ARHGEF10L: variants seen among roughly 807,000 people sequenced by gnomAD.
The protein encoded by ARHGEF10L is rho guanine nucleotide exchange factor 10-like protein.
A neutral mutation model predicts 141.2 loss-of-function variants in ARHGEF10L; 69 were observed. The ratio of observed to expected loss-of-function variants is 0.49; its 90% confidence interval spans 0.40 to 0.60. The LOEUF (loss-of-function observed/expected upper bound fraction) is 0.60. Ranked by LOEUF, ARHGEF10L falls within the 20% of genes least tolerant of loss-of-function variation. The pLI, the probability that ARHGEF10L is intolerant of heterozygous loss-of-function variation, is 0.00. For missense variants in ARHGEF10L, 1,482 were observed against 1,734.3 expected (o/e 0.85, Z 2.58); for synonymous variants, 711 against 718.5 (o/e 0.99, Z 0.17).
chr1:17,561,490 G>A (rs1019904638), intron 1 of ARHGEF10L, among the ~76,000 whole-genome samples: 3 of 152,208 alleles, frequency 2.0e-5, no homozygotes, highest in African/African-American at 4.8e-5. Flanking sequence ...AGTTCTGAGT[G>A]CCTTCCTCTC....
chr1:17,697,610 C>A lies in ARHGEF10L; in HGVS notation c.*230C>A. 1.5e-6 allele frequency: 1 copy of A among 677,394 alleles called. No individual in the cohort carries two copies. Among genetic ancestry groups the A allele is most frequent in the Admixed American group, 2.1e-5 (1 of 47,204 alleles). 42.0% of individuals were successfully genotyped at this position (677,394 alleles called of 1,614,324 possible). The stretch of plus-strand genomic sequence containing the variant: ...GGACACATCTGGAGGAAATGGCCTT[C>A]TTTTTAAAAGCAAAAAACACAAAAC... On this transcript the variant is annotated 3_prime_UTR_variant, in exon 29 of 29. Transcript: ENST00000361221. This position sits in a 1 kb window ranked among gnomAD's most constrained non-coding sequence, Gnocchi z 4.8.
chr1:17,613,410 G>C (rs764635492), intron 8 of ARHGEF10L, among the ~76,000 whole-genome samples: 1 of 152,158 alleles, frequency 6.6e-6, no homozygotes, highest in Non-Finnish European at 1.5e-5. Context: ...CCACCTGCAA[G>C]TGAAACCCTG....
chr1:17,533,555 G>C, the ARHGEF10L span, among the ~76,000 whole-genome samples: 1 of 152,186 alleles, frequency 6.6e-6, no homozygotes, highest in African/African-American at 2.4e-5. Flanking sequence ...TAAAGGAGCA[G>C]CTCAGGGAAG....
Position 17,687,500 on chromosome 1 carries a change from A to G in ARHGEF10L, c.3010-73A>G. 1.2e-5 allele frequency: 19 copies of G among 1,541,180 alleles called. No individual in the cohort carries two copies. The South Asian group carries it at 1.6e-4, about 13-fold the overall frequency. Reference sequence around the variant, plus strand: ...TGAAGAATGTGAGAATGGCTGGCCCAGGGGTGGGGGCTTGTAGGGAGGCTC... The same window carrying G: ...TGAAGAATGTGAGAATGGCTGGCCCGGGGGTGGGGGCTTGTAGGGAGGCTC... On this transcript the variant is annotated intron_variant, in intron 26 of 28. Transcript: ENST00000361221.
At position 17,639,590 on chromosome 1, in the gene ARHGEF10L, C is replaced by T. The variant is rs2061216211; in HGVS notation, c.2172-612C>T. ...CTCTCTGCCTCTCATTCTCCACGTGCACCCTAGAGGCTTGTGACACTGCCC... is the reference window on the plus strand; with the variant it reads ...CTCTCTGCCTCTCATTCTCCACGTGTACCCTAGAGGCTTGTGACACTGCCC... On this transcript the variant is annotated intron_variant, in intron 20 of 28. Transcript: ENST00000361221. The surrounding 1 kb of genome is among the most constrained non-coding windows in gnomAD (Gnocchi z 4.3). Among the ~76,000 whole-genome samples the T allele has an allele frequency of 6.6e-6, 1 of 152,194 alleles. No individual in the cohort carries two copies. Among genetic ancestry groups the T allele is most frequent in the Non-Finnish European group, 1.5e-5 (1 of 68,038 alleles).
rs531973103 is a variant in ARHGEF10L, at chr1:17,640,075, G to A, written c.2172-127G>A. Reference sequence around the variant, plus strand: ...CACTGACCTCTTTGGCCACGTTTTGGGGATGCTCTGACCAGACCTCCTTGA... The same window carrying A: ...CACTGACCTCTTTGGCCACGTTTTGAGGATGCTCTGACCAGACCTCCTTGA... On this transcript the variant is annotated intron_variant, in intron 20 of 28. Coordinates refer to ENST00000361221, the MANE Select transcript of ARHGEF10L (RefSeq NM_018125.4). 3.4e-6 allele frequency: 5 copies of A among 1,483,056 alleles called. No individual in the cohort carries two copies. The South Asian group carries it at 6.9e-5, about 20-fold the overall frequency. 91.9% of individuals were successfully genotyped at this position (1,483,056 alleles called of 1,614,324 possible).
intron 4 of ARHGEF10L, among the ~76,000 whole-genome samples, chr1:17,593,423 G>A (rs1249820556): frequency 6.6e-6 from 1 of 152,186 alleles, no homozygotes; most frequent in African/African-American, 2.4e-5. Context: ...ATTAAGTGAG[G>A]GGTTTTGAGA....
rs1272305710 is a variant in ARHGEF10L at position 17,673,238 on chromosome 1, G to A, written c.3009+8643G>A. Among the ~76,000 whole-genome samples, 4 of 152,070 alleles carry A rather than the reference G, an allele frequency of 2.6e-5. No homozygotes were observed. The highest frequency in any genetic ancestry group is 6.5e-5 in the Admixed American group (1 of 15,282). On this transcript the variant is annotated intron_variant, in intron 26 of 28. Transcript: ENST00000361221. This position sits in a 1 kb window ranked among gnomAD's most constrained non-coding sequence, Gnocchi z 4.1. ...GGCAGGGGCAGTCCTGTCCTTGTGA[G>A]CCACCCCCCAGTCTTAGCTGGTAGC... is the stretch of plus-strand genomic sequence containing the variant.
At chr1:17,687,807 AGTG>A (rs2064741260) in intron 27 of ARHGEF10L, 60 bp downstream of exon 27, 1 of 1,505,958 alleles carries the variant, frequency 6.6e-7, no homozygotes, top group Admixed American at 2.1e-5. Flanking sequence ...ACGGCCAGGT[AGTG>A]GTGTGACCTG....
At chr1:17,535,930 G>A (rs191746568), upstream of ARHGEF10L, among the ~76,000 whole-genome samples, 1 of 152,218 alleles carries the variant, frequency 6.6e-6, no homozygotes, top group Non-Finnish European at 1.5e-5. Context: ...CAGTCCGGGG[G>A]GGAGACATGG....
At chr1:17,598,659 G>A (rs1047901308) in intron 4 of ARHGEF10L, among the ~76,000 whole-genome samples, 2 of 152,104 alleles carry the variant, frequency 1.3e-5, no homozygotes, top group African/African-American at 4.8e-5. Flanking sequence ...TTGGGGGTGA[G>A]GATTTTAACA....
Position 17,616,206 on chromosome 1 carries a change from AGGCGCTGCCCGAGCGG to A in ARHGEF10L, c.835+6_835+21del. On this transcript the variant is annotated splice_donor_5th_base_variant and intron_variant, in intron 9 of 28. Transcript: ENST00000361221. ...CTGCACAGGAAGGACGTCCTCGGTG[AGGCGCTGCCCGAGCGG>A]GAGGGTCTGGTGCCCAGCTCTGACT... The A allele has an allele frequency of 1.3e-6, 2 of 1,487,496 alleles. No individual in the cohort carries two copies. The highest frequency in any genetic ancestry group is 2.2e-5 in the South Asian group (2 of 89,572). The allele number at this position is 1,487,496 out of a possible 1,614,324, so 92.1% of individuals were successfully genotyped here.
the ARHGEF10L span, among the ~76,000 whole-genome samples, chr1:17,521,970 A>G: frequency 2.6e-5 from 4 of 152,074 alleles, no homozygotes; most frequent in Non-Finnish European, 4.4e-5. Context: ...CCCTATCCTT[A>G]CGTAGCCCCC....
In ARHGEF10L at chr1:17,639,843, C is replaced by T. The variant is rs1354616870; in HGVS notation, c.2172-359C>T. On this transcript the variant is annotated intron_variant, in intron 20 of 28. Transcript: ENST00000361221. The surrounding 1 kb of genome is among the most constrained non-coding windows in gnomAD (Gnocchi z 4.3). ...ATTCCTCCCTCTAGAGGCACGTGGT[C>T]AGACATGTAAGGTGTCTAAGACCTG... 1 of 1,355,072 alleles carries T rather than the reference C, an allele frequency of 7.4e-7. No homozygotes were observed. The highest frequency in any genetic ancestry group is 4.2e-5 in the East Asian group (1 of 23,530). The allele number at this position is 1,355,072 out of a possible 1,614,324, so 83.9% of individuals were successfully genotyped here. A position where few individuals can be genotyped will look rare whatever the true frequency, so the allele number is the denominator to read the frequency against.
At chr1:17,681,153 A>G (rs1043524116) in intron 26 of ARHGEF10L, among the ~76,000 whole-genome samples, 10 of 152,236 alleles carry the variant, frequency 6.6e-5, no homozygotes, top group Admixed American at 4.6e-4. Flanking sequence ...TTCTTCACCC[A>G]GGTAACTGTT....
chr1:17,683,804 C>T (rs370133224), intron 26 of ARHGEF10L, among the ~76,000 whole-genome samples: 16 of 152,310 alleles, frequency 1.1e-4, no homozygotes, highest in African/African-American at 3.6e-4. Flanking sequence ...TTTCCACCAC[C>T]GACTTCTCTT....
intron 26 of ARHGEF10L, among the ~76,000 whole-genome samples, chr1:17,670,734 C>T (rs961945268): frequency 1.3e-5 from 2 of 152,178 alleles, no homozygotes; most frequent in African/African-American, 2.4e-5. Context: ...ATTGGATCTC[C>T]GCAACGCTGA....
intron 7 of ARHGEF10L, among the ~76,000 whole-genome samples, chr1:17,611,581 C>T (rs1358402715): frequency 1.3e-5 from 2 of 151,394 alleles, no homozygotes; most frequent in African/African-American, 2.4e-5. Flanking sequence ...TCCATCCACT[C>T]ATCCATTCAC....
In ARHGEF10L at chr1:17,671,053, T is replaced by C. The variant is rs138991824; in HGVS notation, c.3009+6458T>C. Among the ~76,000 whole-genome samples, 1,096 of 152,380 alleles carry C rather than the reference T, an allele frequency of 7.2e-3. 14 individuals carry two copies. Among genetic ancestry groups the C allele is most frequent in the African/African-American group, 0.026 (1,065 of 41,602 alleles). On this transcript the variant is annotated intron_variant, in intron 26 of 28. Transcript: ENST00000361221. The stretch of plus-strand genomic sequence containing the variant: ...TGGTCACTTTCTGCAATTATCTCCT[T>C]GAGTGCAGTTGTCCGTCTGCACCGG...
Sources: allele counts gnomAD v4.1 joint callset (sites outside exome capture counted in the v4.1 genomes callset), GRCh38; gene constraint gnomAD v4.1.1; non-coding constraint Gnocchi (gnomAD v3.1); transcripts MANE v1.5; gene names NCBI Gene and HGNC (gene_info 2026-07-23, HGNC 2026-07-21).